The following SVIP variants were observed in gnomAD, a reference collection of about 807,000 sequenced individuals.
SVIP encodes the protein small VCP interacting protein, also known as small VCP/p97-interacting protein.
In SVIP, 14 loss-of-function variants were observed where a neutral mutation model predicts 12.9. The observed-to-expected ratio is 1.08, with a 90% CI of 0.72 to 1.70. The LOEUF (loss-of-function observed/expected upper bound fraction) is 1.70. Among genes scored for constraint, SVIP ranks in the 40% most tolerant of loss-of-function variants. SVIP has a pLI of 0.00. For synonymous variants in SVIP, 35 were observed against 33.3 expected, an observed-to-expected ratio of 1.05 and a Z score of -0.17; for missense variants, 93 against 90.8, an observed-to-expected ratio of 1.02 and a Z score of -0.10.
intron 1 of SVIP, among the ~76,000 whole-genome samples, chr11:22,828,655 G>A (rs901629734): frequency 2.6e-5 from 4 of 151,984 alleles, no homozygotes; most frequent in African/African-American, 9.7e-5. Flanking sequence ...GTATGAGGAT[G>A]GGGGGGAGGG....
At position 22,827,254 on chromosome 11, in the gene SVIP, C is replaced by A; in HGVS notation, c.172G>T (p.Glu58Ter). The A allele has an allele frequency of 6.2e-7, 1 of 1,610,298 alleles. No individual in the cohort carries two copies. The highest frequency in any genetic ancestry group is 8.5e-7 in the Non-Finnish European group (1 of 1,178,598). Residue 58 changes from glutamate (E) to a stop codon, truncating the protein, a stop_gained, in exon 3 of 4, where the codon GAA becomes TAA. Transcript: ENST00000354193. LOFTEE classifies it high-confidence loss of function. ...GGCCCGGATGTAGCAATTTGTTTTT[C>A]TATTTTTTCCTTTTTCTTTCTCTTT... ...QEKRKKKEKI[E>*]KQIATSGPPP...
Position 22,826,344 on chromosome 11 carries a change from A to G in SVIP, c.219+863T>C, listed in dbSNP as rs1827473144. On this transcript the variant is annotated intron_variant, in intron 3 of 3. Transcript: ENST00000354193. ...AGTGTATGTGTATATGTCCATGTAT[A>G]TGTATGTGCATGTGTGTGTGTGTGT... is the stretch of plus-strand genomic sequence containing the variant. 2.0e-5 allele frequency among the ~76,000 whole-genome samples: 3 copies of G among 150,492 alleles called. No individual in the cohort carries two copies. In the South Asian group the frequency reaches 6.4e-4, roughly 32 times the overall value.
chr11:22,827,450 TAGA>T (rs1316134930), intron 2 of SVIP, 130 bp from the exon 3 acceptor site: 10 of 717,908 alleles, frequency 1.4e-5, no homozygotes, highest in Non-Finnish European at 2.4e-5. Flanking sequence ...TTTGGTAACA[TAGA>T]AGGAGTGTTT....
chr11:22,827,236 A>T lies in SVIP; in HGVS notation c.190T>A (p.Ser64Thr), dbSNP rs879009499. The T allele has an allele frequency of 6.2e-7, 1 of 1,610,542 alleles. No homozygotes were observed. The highest frequency in any genetic ancestry group is 8.5e-7 in the Non-Finnish European group (1 of 1,178,772). Residue 64 changes from serine to threonine, a missense_variant, in exon 3 of 4, where the codon TCC becomes ACC. By Grantham distance (58) the Ser-to-Thr change is moderately conservative (BLOSUM62 1). Coordinates refer to ENST00000354193, the MANE Select transcript of SVIP (RefSeq NM_148893.3). ...AGTCCACCTTCTGGTGGGGGCCCGG[A>T]TGTAGCAATTTGTTTTTCTATTTTT... ...KEKIEKQIAT[S>T]GPPPEGGLRW...
At position 22,821,051 on chromosome 11, in the gene SVIP, G is replaced by C. The variant is rs1353982903; in HGVS notation, c.*2068C>G. On this transcript the variant is annotated 3_prime_UTR_variant, in exon 4 of 4. Transcript: ENST00000354193. Reference sequence around the variant, plus strand: ...TGGACGTATGTGTGTATGTGCATGTGTGTGTGTGTATATACACACACATAT... The same window carrying C: ...TGGACGTATGTGTGTATGTGCATGTCTGTGTGTGTATATACACACACATAT... 2.0e-5 allele frequency: 3 copies of C among 149,962 alleles called. No individual in the cohort carries two copies. The highest frequency in any genetic ancestry group is 3.0e-5 in the Non-Finnish European group (2 of 67,622). 9.3% of individuals were successfully genotyped at this position (149,962 alleles called of 1,614,324 possible).
chr11:22,824,580 T>G (rs1184201172), intron 3 of SVIP, among the ~76,000 whole-genome samples: 1 of 151,700 alleles, frequency 6.6e-6, no homozygotes, highest in East Asian at 1.9e-4. Flanking sequence ...TAAACTTGCT[T>G]TTCTTCATTG....
At position 22,821,094 on chromosome 11, in the gene SVIP, G is replaced by A. The variant is rs2134738824; in HGVS notation, c.*2025C>T. ...ACACATATATAAATTAGAATTTGCA[G>A]ATATTATGTGTATATATATACACAC... On this transcript the variant is annotated 3_prime_UTR_variant, in exon 4 of 4. Transcript: ENST00000354193. 1 of 146,674 alleles carries A rather than the reference G, an allele frequency of 6.8e-6. No homozygotes were observed. 9.1% of individuals were successfully genotyped at this position (146,674 alleles called of 1,614,324 possible).
intron 3 of SVIP, among the ~76,000 whole-genome samples, chr11:22,824,507 T>TAC (rs201377223): frequency 3.4e-5 from 5 of 146,676 alleles, no homozygotes; most frequent in Admixed American, 7.0e-5. Flanking sequence ...CGTATATATA[T>TAC]ACACACATAT....
In SVIP at chr11:22,822,972, G is replaced by GT. The variant is rs1287288968; in HGVS notation, c.*146dup. On this transcript the variant is annotated 3_prime_UTR_variant, in exon 4 of 4. Transcript: ENST00000354193. Reference sequence around the variant, plus strand: ...CCATTCTCTAAGCTTGAAAATCAACGTTTTTTTAGCATTGCACTTAAGGGC... The same window carrying GT: ...CCATTCTCTAAGCTTGAAAATCAACGTTTTTTTTAGCATTGCACTTAAGGGC... The GT allele has an allele frequency of 3.0e-5, 19 of 630,072 alleles. No individual in the cohort carries two copies. Among genetic ancestry groups the GT allele is most frequent in the Non-Finnish European group, 4.3e-5 (17 of 392,200 alleles). 39.0% of individuals were successfully genotyped at this position (630,072 alleles called of 1,614,324 possible).
intron 3 of SVIP, among the ~76,000 whole-genome samples, chr11:22,824,487 T>C (rs1357691080): frequency 7.5e-6 from 1 of 132,880 alleles, no homozygotes; most frequent in South Asian, 2.4e-4. Context: ...TATATATATG[T>C]ATATATATAC....
At chr11:22,828,478 T>C (rs535549831) in intron 1 of SVIP, among the ~76,000 whole-genome samples, 13 of 152,246 alleles carry the variant, frequency 8.5e-5, no homozygotes, top group African/African-American at 2.6e-4. Context: ...CAGACAAATA[T>C]AATGAAGTAA....
chr11:22,828,953 A>G (rs993839291), intron 1 of SVIP, among the ~76,000 whole-genome samples: 2 of 152,206 alleles, frequency 1.3e-5, no homozygotes, highest in African/African-American at 4.8e-5. Flanking sequence ...GTGTACATGT[A>G]TTGTACCACA....
chr11:22,828,947 A>C (rs1564908366), intron 1 of SVIP, among the ~76,000 whole-genome samples: 1 of 152,226 alleles, frequency 6.6e-6, no homozygotes, highest in Non-Finnish European at 1.5e-5. Flanking sequence ...CAAAAAGTGT[A>C]CATGTATTGT....
chr11:22,827,700 T>C, intron 2 of SVIP, 124 bp downstream of exon 2: 1 of 592,932 alleles, frequency 1.7e-6, no homozygotes, highest in Non-Finnish European at 2.9e-6. Context: ...AATAATTACA[T>C]TTAAATGTAA....
rs1857484776 is a variant in SVIP at position 22,821,510 on chromosome 11, G to T, written c.*1609C>A. On this transcript the variant is annotated 3_prime_UTR_variant, in exon 4 of 4. Transcript: ENST00000354193. ...CCAAGTTCTAATTCTTTAAGATGTA[G>T]TAAAGACAAAATTGTTCTTGCTATA... 1 of 152,134 alleles carries T rather than the reference G, an allele frequency of 6.6e-6. No homozygotes were observed. Among genetic ancestry groups the T allele is most frequent in the Non-Finnish European group, 1.5e-5 (1 of 68,030 alleles). The allele number at this position is 152,134 out of a possible 1,614,324, so 9.4% of individuals were successfully genotyped here. A position where few individuals can be genotyped will look rare whatever the true frequency, so the allele number is the denominator to read the frequency against.
chr11:22,825,561 A>G (rs1297604365), intron 3 of SVIP, among the ~76,000 whole-genome samples: 2 of 152,194 alleles, frequency 1.3e-5, no homozygotes, highest in African/African-American at 2.4e-5. Context: ...ATTTCTTACA[A>G]GAACAGTACA....
intron 3 of SVIP, among the ~76,000 whole-genome samples, chr11:22,825,050 A>C (rs1857644449): frequency 6.6e-6 from 1 of 152,096 alleles, no homozygotes. Context: ...ATTACCCTGG[A>C]AAGATGCAGC....
At chr11:22,824,535 TTAAA>T (rs1410550063) in intron 3 of SVIP, among the ~76,000 whole-genome samples, 1 of 149,866 alleles carries the variant, frequency 6.7e-6, no homozygotes, top group Non-Finnish European at 1.5e-5. Flanking sequence ...AAATCTATGT[TTAAA>T]TAAATTTTCA....
At chr11:22,827,460 GT>G (rs2134766068) in intron 2 of SVIP, 140 bp from the exon 3 acceptor site, 2 of 677,162 alleles carry the variant, frequency 3.0e-6, no homozygotes, top group Non-Finnish European at 5.1e-6. Flanking sequence ...TAGAAGGAGT[GT>G]TTCTACAACA....
Sources: allele counts gnomAD v4.1 joint callset (sites outside exome capture counted in the v4.1 genomes callset), GRCh38; gene constraint gnomAD v4.1.1; transcripts MANE v1.5; gene names NCBI Gene and HGNC (gene_info 2026-07-23, HGNC 2026-07-21).